RNASEH1: variants seen among roughly 807,000 people sequenced by gnomAD.
RNASEH1 encodes the protein ribonuclease H type II.
Under a neutral mutation model 34.6 loss-of-function variants are expected in RNASEH1, and 27 were observed. The observed-to-expected ratio is 0.78, with a 90% confidence interval of 0.58 to 1.08. The LOEUF is 1.08. Ranked by LOEUF, RNASEH1 falls within the 50% of genes least tolerant of loss-of-function variation. RNASEH1 has a pLI of 0.00. For synonymous variants in RNASEH1, 162 were observed against 138.4 expected, an observed-to-expected ratio of 1.17 and a Z score of -1.20; for missense variants, 349 against 373.6, an observed-to-expected ratio of 0.93 and a Z score of 0.54.
chr2:3,552,938 A>G (rs1023965106), intron 2 of RNASEH1, among the ~76,000 whole-genome samples: 1 of 152,196 alleles, frequency 6.6e-6, no homozygotes, highest in Non-Finnish European at 1.5e-5. Context: ...AGGAGGGCTC[A>G]GAGGGTGCAG....
At chr2:3,535,444 AAAGGTT>A in the RNASEH1 span, among the ~76,000 whole-genome samples, 15 of 151,842 alleles carry the variant, frequency 9.9e-5, no homozygotes, top group Non-Finnish European at 2.1e-4. Flanking sequence ...AAAAAAAAAA[AAAGGTT>A]AAGATGTTAA....
chr2:3,552,227 T>TC lies in RNASEH1; in HGVS notation c.325dup (p.Glu109GlyfsTer21), dbSNP rs1229409884. On this transcript the variant is annotated frameshift_variant, in exon 3 of 8. Transcript: ENST00000315212. LOFTEE classifies it high-confidence loss of function. The stretch of plus-strand genomic sequence containing the variant: ...GTGCTTTGCATACGGCTCTGCGCTT[T>TC]CATGTCCATCTCCATCCAGTGGCTC... 1 of 1,613,794 alleles carries TC rather than the reference T, an allele frequency of 6.2e-7. No homozygotes were observed. The highest frequency in any genetic ancestry group is 1.3e-5 in the African/African-American group (1 of 75,036).
At chr2:3,550,176 A>G in intron 4 of RNASEH1, 197 bp downstream of exon 4, 1 of 539,088 alleles carries the variant, frequency 1.9e-6, no homozygotes, top group South Asian at 2.2e-5. Flanking sequence ...AAGCAAAGGA[A>G]GTAAAGCTGA....
rs1192800974 is a variant in RNASEH1, at chr2:3,544,828, G to GC, written c.*956dup. On this transcript the variant is annotated 3_prime_UTR_variant, in exon 8 of 8. Transcript: ENST00000315212. ...CTCACTCTGTTGCCCAGGATGGAGTGCAGTGGTGCAATCTTGGCTCACTGC... is the reference window on the plus strand; with the variant it reads ...CTCACTCTGTTGCCCAGGATGGAGTGCCAGTGGTGCAATCTTGGCTCACTGC... The GC allele has an allele frequency of 2.0e-5, 3 of 150,878 alleles. No homozygotes were observed. Among genetic ancestry groups the GC allele is most frequent in the Non-Finnish European group, 1.5e-5 (1 of 67,834 alleles). The allele number at this position is 150,878 out of a possible 1,614,324, so 9.3% of individuals were successfully genotyped here.
At chr2:3,554,638 T>C (rs1041795285) in intron 2 of RNASEH1, among the ~76,000 whole-genome samples, 2 of 152,200 alleles carry the variant, frequency 1.3e-5, no homozygotes, top group Admixed American at 1.3e-4. Flanking sequence ...AGAAGTAGAT[T>C]CAAAAGAACT....
At chr2:3,534,207 G>C in the RNASEH1 span, 1 of 152,250 alleles carries the variant, frequency 6.6e-6, no homozygotes, top group South Asian at 2.1e-4. Flanking sequence ...TCACTCTCTG[G>C]TTGTCTGCAT....
At chr2:3,537,475 C>T (rs547086168), downstream of RNASEH1, among the ~76,000 whole-genome samples, 12 of 152,274 alleles carry the variant, frequency 7.9e-5, 1 homozygote, top group South Asian at 1.7e-3. Context: ...CTAACCCCAG[C>T]GTGTTGGGAG....
chr2:3,551,176 A>G (rs1659856372), intron 3 of RNASEH1, among the ~76,000 whole-genome samples: 1 of 152,254 alleles, frequency 6.6e-6, no homozygotes, highest in South Asian at 2.1e-4. Context: ...GAAGGACGGC[A>G]GACTGAGCTC....
At chr2:3,546,928 G>C (rs1399496681) in intron 7 of RNASEH1, among the ~76,000 whole-genome samples, 1 of 152,186 alleles carries the variant, frequency 6.6e-6, no homozygotes, top group African/African-American at 2.4e-5. Context: ...TTCAAGACCA[G>C]CCTGGGTAAC....
intron 2 of RNASEH1, among the ~76,000 whole-genome samples, chr2:3,555,583 G>A (rs897873831): frequency 2.0e-5 from 3 of 152,202 alleles, no homozygotes; most frequent in African/African-American, 4.8e-5. Context: ...CGAAGGAGCA[G>A]TTGTTCAGGT....
At chr2:3,536,968 C>G (rs1454411872), downstream of RNASEH1, 4 of 152,250 alleles carry the variant, frequency 2.6e-5, no homozygotes, top group South Asian at 4.1e-4. Flanking sequence ...GGACACCCAT[C>G]CCATCGGGTC....
intron 7 of RNASEH1, among the ~76,000 whole-genome samples, chr2:3,547,516 C>T (rs756810067): frequency 6.7e-6 from 1 of 149,368 alleles, no homozygotes; most frequent in African/African-American, 2.5e-5. Flanking sequence ...GTCTTGGAGT[C>T]TCATATCGTT....
the RNASEH1 span, chr2:3,532,151 T>C: frequency 1.5e-6 from 1 of 659,624 alleles, no homozygotes; most frequent in East Asian, 2.7e-5. Flanking sequence ...CCGTGTGTCT[T>C]CCGTGTCAGC....
intron 6 of RNASEH1, 117 bp downstream of exon 6, chr2:3,548,523 T>C: frequency 3.0e-6 from 2 of 664,066 alleles, no homozygotes; most frequent in South Asian, 1.8e-5. Context: ...GCTCGGTACC[T>C]GACAAACCAA....
At chr2:3,531,937 A>G in the RNASEH1 span, 36 of 282,242 alleles carry the variant, frequency 1.3e-4, no homozygotes, top group African/African-American at 7.9e-4. Flanking sequence ...AAGCCCAAAT[A>G]CCAGGTTCAT....
rs750520522 is a variant in RNASEH1, at chr2:3,548,668, C to G, written c.621G>C (p.Leu207=). The stretch of plus-strand genomic sequence containing the variant: ...TTATCGTAAACATACTGTCTGTATA[C>G]AGAACCAGTTTATTGATGTTTTGAG... ...AKTQNINKLV[L]YTDSMFTING... is the part of the protein sequence containing the mutation. Residue 207 remains leucine (L), a synonymous_variant, in exon 6 of 8, where the codon CTG becomes CTC. Coordinates refer to ENST00000315212, the MANE Select transcript of RNASEH1 (RefSeq NM_002936.6). The G allele has an allele frequency of 6.2e-7, 1 of 1,610,816 alleles. No homozygotes were observed. The highest frequency in any genetic ancestry group is 8.5e-7 in the Non-Finnish European group (1 of 1,177,372).
intron 5 of RNASEH1, 114 bp downstream of exon 5, chr2:3,548,944 C>T (rs1417642443): frequency 1.9e-5 from 18 of 959,494 alleles, no homozygotes; most frequent in Non-Finnish European, 2.8e-5. Flanking sequence ...TTATTAAACC[C>T]GTCTCTCTTC....
rs562089119 is a variant in RNASEH1 at position 3,542,646 on chromosome 2, A to T, written c.*3139T>A. ...TGTTTTCATCATCACAATTAATGCT[A>T]TGGTATTAGTATTTTTTTTAAATGC... On this transcript the variant is annotated 3_prime_UTR_variant, in exon 8 of 8. Transcript: ENST00000315212. 6.6e-6 allele frequency among the ~76,000 whole-genome samples: 1 copy of T among 152,296 alleles called. No homozygotes were observed. The highest frequency in any genetic ancestry group is 2.4e-5 in the African/African-American group (1 of 41,572).
rs1264100305 is a variant in RNASEH1 at position 3,543,050 on chromosome 2, CAT to C, written c.*2733_*2734del. Among the ~76,000 whole-genome samples, 1 of 152,152 alleles carries C rather than the reference CAT, an allele frequency of 6.6e-6. No homozygotes were observed. The highest frequency in any genetic ancestry group is 1.5e-5 in the Non-Finnish European group (1 of 68,028). ...AGTTTGGCCTAAAACTGCCTCTGTA[CAT>C]AGTGACTTATAACCTCACTTAATGT... On this transcript the variant is annotated 3_prime_UTR_variant, in exon 8 of 8. Transcript: ENST00000315212.
Sources: allele counts gnomAD v4.1 joint callset (sites outside exome capture counted in the v4.1 genomes callset), GRCh38; gene constraint gnomAD v4.1.1; transcripts MANE v1.5; gene names NCBI Gene and HGNC (gene_info 2026-07-23, HGNC 2026-07-21).